Variants in ITGA6 observed in about 807,000 individuals in gnomAD.
ITGA6 encodes the protein integrin subunit alpha 6.
In ITGA6, 63 loss-of-function variants were observed where a neutral mutation model predicts 133.6. The observed-to-expected ratio is 0.47, with a 90% CI of 0.38 to 0.58. The LOEUF (loss-of-function observed/expected upper bound fraction) is 0.58, where lower values mean the gene tolerates loss of function less well. ITGA6 is among the 20% of genes least tolerant of loss of function. The pLI is 0.00. For synonymous variants in ITGA6, 434 were observed against 482.0 expected (o/e 0.90, Z 1.30); for missense variants, 1,068 against 1,309.4 (o/e 0.82, Z 2.85).
At chr2:172,475,972 G>A (rs1194379231) in intron 8 of ITGA6, among the ~76,000 whole-genome samples, 2 of 152,096 alleles carry the variant, frequency 1.3e-5, no homozygotes, top group East Asian at 1.9e-4. Flanking sequence ...GAGGAAATAC[G>A]ATATATTCTC....
At chr2:172,434,487 T>C (rs771094664) in intron 1 of ITGA6, among the ~76,000 whole-genome samples, 1 of 152,202 alleles carries the variant, frequency 6.6e-6, no homozygotes, top group Non-Finnish European at 1.5e-5. Flanking sequence ...GGCCGCAGTG[T>C]GGCAGCAGAC....
At chr2:172,490,968 TG>T (rs1252544595) in intron 20 of ITGA6, 55 bp from the exon 21 acceptor site, 6 of 902,034 alleles carry the variant, frequency 6.7e-6, no homozygotes, top group Non-Finnish European at 1.1e-5. Context: ...GAGGCTTGTA[TG>T]GTAATGACAA....
At chr2:172,432,882 C>T in intron 1 of ITGA6, among the ~76,000 whole-genome samples, 1 of 152,128 alleles carries the variant, frequency 6.6e-6, no homozygotes, top group East Asian at 1.9e-4. Context: ...GTGTGGGGGT[C>T]AAATGGAAGT....
intron 14 of ITGA6, 43 bp downstream of exon 14, chr2:172,487,181 C>T: frequency 1.3e-6 from 2 of 1,513,166 alleles, no homozygotes; most frequent in Middle Eastern, 1.7e-4. Context: ...ATTCTGGCTT[C>T]ATGGTGGCTT....
intron 18 of ITGA6, 40 bp downstream of exon 18, chr2:172,488,078 A>G (rs1686769069): frequency 6.2e-7 from 1 of 1,610,400 alleles, no homozygotes. Flanking sequence ...AATGTTTGAA[A>G]GAACCATTTA....
intron 1 of ITGA6, among the ~76,000 whole-genome samples, chr2:172,464,805 A>G (rs900877648): frequency 6.6e-6 from 1 of 152,234 alleles, no homozygotes; most frequent in Non-Finnish European, 1.5e-5. Context: ...GGAGACTGAT[A>G]GGATGAGAGA....
chr2:172,475,270 C>G, intron 7 of ITGA6, 148 bp downstream of exon 7: 1 of 665,902 alleles, frequency 1.5e-6, no homozygotes, highest in Admixed American at 2.3e-5. Context: ...GAGTTCGAGA[C>G]CAGCCTGACC....
At position 172,466,019 on chromosome 2, in the gene ITGA6, A is replaced by G. The variant is rs1685657644; in HGVS notation, c.307+356A>G. 3 of 356,328 alleles carry G rather than the reference A, an allele frequency of 8.4e-6. No homozygotes were observed. In the Admixed American group the frequency reaches 1.3e-4, roughly 15 times the overall value. The allele number at this position is 356,328 out of a possible 1,614,324, so 22.1% of individuals were successfully genotyped here. A position where few individuals can be genotyped will look rare whatever the true frequency, so the allele number is the denominator to read the frequency against. ...GTATTCATCAGCCAAAAGTTCTCAC[A>G]TGCTGTTAAAATATTTGGGAGAAAG... On this transcript the variant is annotated intron_variant, in intron 2 of 25. Coordinates refer to ENST00000684293, the MANE Select transcript of ITGA6 (RefSeq NM_000210.4).
At chr2:172,463,513 A>G (rs1430340268) in intron 1 of ITGA6, among the ~76,000 whole-genome samples, 1 of 152,304 alleles carries the variant, frequency 6.6e-6, no homozygotes, top group South Asian at 2.1e-4. Flanking sequence ...TGCCCTTTCA[A>G]CTAGGTTGTA....
intron 1 of ITGA6, among the ~76,000 whole-genome samples, chr2:172,450,497 A>G (rs1370559212): frequency 2.0e-5 from 3 of 152,218 alleles, no homozygotes; most frequent in African/African-American, 7.2e-5. Context: ...GGCAGTGAGA[A>G]TACTGGAAAG....
intron 2 of ITGA6, among the ~76,000 whole-genome samples, 172 bp from the exon 3 acceptor site, chr2:172,467,309 C>T (rs1685722633): frequency 6.6e-6 from 1 of 152,234 alleles, no homozygotes; most frequent in African/African-American, 2.4e-5. Context: ...CCAAAAACCA[C>T]ATCTCTGTTT....
chr2:172,474,662 G>C (rs113628243), intron 6 of ITGA6, among the ~76,000 whole-genome samples: 7 of 152,174 alleles, frequency 4.6e-5, no homozygotes, highest in East Asian at 1.9e-4. Context: ...GTGCCAGTTG[G>C]GGGGGTTAGA....
intron 23 of ITGA6, among the ~76,000 whole-genome samples, chr2:172,496,933 G>A: frequency 6.6e-6 from 1 of 152,190 alleles, no homozygotes; most frequent in East Asian, 1.9e-4. Flanking sequence ...CTTCTCAGCA[G>A]CAGGAGCAAC....
At chr2:172,466,388 G>A (rs1372911488) in intron 2 of ITGA6, among the ~76,000 whole-genome samples, 1 of 152,230 alleles carries the variant, frequency 6.6e-6, no homozygotes, top group Non-Finnish European at 1.5e-5. Flanking sequence ...GGGAGGCCGA[G>A]TTGGGTGGAT....
chr2:172,470,897 G>T, intron 4 of ITGA6, 77 bp from the exon 5 acceptor site: 1 of 1,463,230 alleles, frequency 6.8e-7, no homozygotes, highest in Admixed American at 1.8e-5. Context: ...TAGCATGGGG[G>T]ATGTTTATTA....
chr2:172,475,449 G>A (rs1316009772), intron 7 of ITGA6, 148 bp from the exon 8 acceptor site: 1 of 669,586 alleles, frequency 1.5e-6, no homozygotes, highest in Non-Finnish European at 2.7e-6. Context: ...GGCAACAGGA[G>A]CGAAACTCCA....
At chr2:172,445,354 C>CAA (rs1027666620) in intron 1 of ITGA6, among the ~76,000 whole-genome samples, 4 of 104,816 alleles carry the variant, frequency 3.8e-5, no homozygotes, top group South Asian at 3.2e-4. Flanking sequence ...TTTTTTTTAA[C>CAA]AAAAAAAAAA....
At chr2:172,433,173 A>C (rs146102063) in intron 1 of ITGA6, among the ~76,000 whole-genome samples, 4,422 of 152,254 alleles carry the variant, frequency 0.029, 90 homozygotes, top group Middle Eastern at 0.082. Flanking sequence ...GGGCTTGGGT[A>C]CAACTCTGGA....
At chr2:172,499,692 G>T (rs535141033) in intron 24 of ITGA6, among the ~76,000 whole-genome samples, 120 of 152,296 alleles carry the variant, frequency 7.9e-4, no homozygotes, top group African/African-American at 2.8e-3. Flanking sequence ...AAAAACTAAA[G>T]TTGGGGTTTG....
Sources: gnomAD v4.1 joint callset for allele counts (sites outside exome capture counted in the v4.1 genomes callset) on GRCh38, gnomAD v4.1.1 for gene constraint, MANE v1.5 for transcripts, NCBI Gene and HGNC (gene_info 2026-07-23, HGNC 2026-07-21) for gene names.